NRG3: variants seen among roughly 807,000 people sequenced by gnomAD.
NRG3 encodes pro-neuregulin-3, membrane-bound isoform.
In NRG3, 31 loss-of-function variants were observed where a neutral mutation model predicts 66.9. That is an observed-to-expected ratio of 0.46 (90% confidence interval 0.35 to 0.63). The LOEUF (loss-of-function observed/expected upper bound fraction) is 0.63. Ranked by LOEUF, NRG3 falls within the 20% of genes least tolerant of loss-of-function variation. The pLI is 0.00. For missense variants in NRG3, 910 were observed against 878.9 expected, an observed-to-expected ratio of 1.04 and a Z score of -0.45; for synonymous variants, 393 against 359.4, an observed-to-expected ratio of 1.09 and a Z score of -1.06.
intron 1 of NRG3, among the ~76,000 whole-genome samples, chr10:82,067,497 G>A (rs1008561321): frequency 6.6e-6 from 1 of 152,178 alleles, no homozygotes; most frequent in Non-Finnish European, 1.5e-5. Flanking sequence ...ACAGGTTCCT[G>A]CCACCATGTC....
intron 4 of NRG3, among the ~76,000 whole-genome samples, chr10:82,941,781 C>T (rs1848592293): frequency 6.6e-6 from 1 of 152,086 alleles, no homozygotes; most frequent in Admixed American, 6.6e-5. Context: ...ATGACTTTTG[C>T]TTCTCTATGT....
chr10:82,087,406 A>G (rs1316286023), intron 1 of NRG3, among the ~76,000 whole-genome samples: 1 of 152,044 alleles, frequency 6.6e-6, no homozygotes, highest in African/African-American at 2.4e-5. Flanking sequence ...TAATCTCTGA[A>G]CTAACTGTTC....
At chr10:82,857,858 C>T (rs1471343636) in intron 3 of NRG3, among the ~76,000 whole-genome samples, 1 of 152,162 alleles carries the variant, frequency 6.6e-6, no homozygotes, top group African/African-American at 2.4e-5. Context: ...ATCAGCCCTG[C>T]AATTAACATC....
intron 2 of NRG3, among the ~76,000 whole-genome samples, chr10:82,548,806 A>G (rs608315): frequency 0.97 from 147,534 of 152,222 alleles, 71,533 homozygotes; most frequent in East Asian, 1. Flanking sequence ...ACCCAAAAGC[A>G]CAGGCAGAAA....
intron 3 of NRG3, among the ~76,000 whole-genome samples, chr10:82,804,972 G>T (rs546553630): frequency 6.6e-6 from 1 of 152,236 alleles, no homozygotes; most frequent in African/African-American, 2.4e-5. Flanking sequence ...AGTACTACTG[G>T]GGGTTAGAGC....
intron 2 of NRG3, among the ~76,000 whole-genome samples, chr10:82,572,542 T>A (rs1380202334): frequency 6.6e-6 from 1 of 151,772 alleles, no homozygotes; most frequent in East Asian, 1.9e-4. Flanking sequence ...ATATTTTATA[T>A]GCTTTGAATT....
intron 1 of NRG3, among the ~76,000 whole-genome samples, chr10:82,143,625 AT>A (rs1421083400): frequency 3.3e-5 from 5 of 152,226 alleles, no homozygotes; most frequent in Non-Finnish European, 7.3e-5. Context: ...GAAGCAAGAT[AT>A]AGAATCTGGA....
chr10:82,451,163 A>C (rs1171616185), intron 2 of NRG3, among the ~76,000 whole-genome samples: 2 of 152,194 alleles, frequency 1.3e-5, no homozygotes, highest in Non-Finnish European at 2.9e-5. Flanking sequence ...ACTCTAGAGG[A>C]AGATGAAATT....
At chr10:82,211,306 A>G (rs763254110) in intron 1 of NRG3, among the ~76,000 whole-genome samples, 1 of 152,140 alleles carries the variant, frequency 6.6e-6, no homozygotes, top group Non-Finnish European at 1.5e-5. Context: ...ATTTAACAAC[A>G]TTGAGAATTT....
chr10:82,120,723 A>G (rs995881394), intron 1 of NRG3, among the ~76,000 whole-genome samples: 3 of 152,136 alleles, frequency 2.0e-5, no homozygotes, highest in African/African-American at 4.8e-5. Context: ...ATAAGATTCT[A>G]TCTAGTCATA....
chr10:82,927,326 C>G (rs893465607), intron 4 of NRG3, among the ~76,000 whole-genome samples: 2 of 152,040 alleles, frequency 1.3e-5, no homozygotes, highest in African/African-American at 4.8e-5. Flanking sequence ...TTATACATCC[C>G]CTGACAAAAT....
At chr10:82,706,098 T>G (rs1436207468) in intron 2 of NRG3, among the ~76,000 whole-genome samples, 1 of 152,064 alleles carries the variant, frequency 6.6e-6, no homozygotes, top group East Asian at 1.9e-4. Flanking sequence ...CTCCCTTTCT[T>G]TTCTTTTTTT....
chr10:82,522,021 T>C (rs1030074871), intron 2 of NRG3, among the ~76,000 whole-genome samples: 7 of 151,354 alleles, frequency 4.6e-5, no homozygotes, highest in African/African-American at 1.5e-4. Flanking sequence ...ATATCTGCAG[T>C]TACTTTTCCG....
At chr10:82,000,663 A>C (rs538731257) in intron 1 of NRG3, among the ~76,000 whole-genome samples, 45 of 152,298 alleles carry the variant, frequency 3.0e-4, no homozygotes, top group African/African-American at 9.4e-4. Flanking sequence ...CTTCCTTCAT[A>C]TACAGTAGCC....
At chr10:82,470,097 C>T (rs1167182545) in intron 2 of NRG3, among the ~76,000 whole-genome samples, 1 of 152,178 alleles carries the variant, frequency 6.6e-6, no homozygotes, top group Non-Finnish European at 1.5e-5. Flanking sequence ...TCTTTATAAC[C>T]TGTTTCTGAG....
intron 1 of NRG3, among the ~76,000 whole-genome samples, chr10:81,941,908 A>C (rs1246300728): frequency 6.6e-6 from 1 of 152,116 alleles, no homozygotes; most frequent in African/African-American, 2.4e-5. Flanking sequence ...AAAAATAAGT[A>C]GTTCTGAGGC....
At chr10:82,904,013 TTTACA>T (rs1844481963) in intron 4 of NRG3, among the ~76,000 whole-genome samples, 1 of 152,178 alleles carries the variant, frequency 6.6e-6, no homozygotes, top group Non-Finnish European at 1.5e-5. Flanking sequence ...ATCGTGTCAC[TTTACA>T]TTATCAGCTT....
At chr10:82,666,475 A>C (rs985236883) in intron 2 of NRG3, among the ~76,000 whole-genome samples, 1 of 152,130 alleles carries the variant, frequency 6.6e-6, no homozygotes, top group African/African-American at 2.4e-5. Context: ...ATAGTCTGAA[A>C]TCCTCAGCCT....
chr10:82,869,708 C>T (rs909471155), intron 4 of NRG3, among the ~76,000 whole-genome samples: 5 of 151,470 alleles, frequency 3.3e-5, no homozygotes, highest in East Asian at 1.9e-4. Context: ...CAGGGGTTCA[C>T]GCCATTCTCC....
Sources: gnomAD v4.1 joint callset for allele counts (sites outside exome capture counted in the v4.1 genomes callset) on GRCh38, gnomAD v4.1.1 for gene constraint, MANE v1.5 for transcripts, NCBI Gene and HGNC (gene_info 2026-07-23, HGNC 2026-07-21) for gene names.